Variants in SCLT1 observed in about 807,000 individuals in gnomAD.
SCLT1 encodes sodium channel and clathrin linker 1.
In SCLT1, 78 loss-of-function variants were observed where a neutral mutation model predicts 112.8. The observed-to-expected ratio is 0.69, with a 90% confidence interval of 0.58 to 0.83. The LOEUF is 0.83. Ranked by LOEUF, SCLT1 falls within the 40% of genes least tolerant of loss-of-function variation. The probability of loss-of-function intolerance (pLI) is 0.00; values close to 1 mark genes in which losing one functional copy is unlikely to be tolerated. For missense variants in SCLT1, 747 were observed against 770.4 expected, an observed-to-expected ratio of 0.97 and a Z score of 0.36; for synonymous variants, 257 against 254.7, an observed-to-expected ratio of 1.01 and a Z score of -0.09.
chr4:128,977,190 T>C (rs753525202), intron 9 of SCLT1, among the ~76,000 whole-genome samples: 23 of 152,350 alleles, frequency 1.5e-4, no homozygotes, highest in Admixed American at 2.0e-4. Context: ...ATGCATTCAT[T>C]CTTTGAACAA....
At position 129,009,243 on chromosome 4, in the gene SCLT1, C is replaced by T. The variant is rs374560016; in HGVS notation, c.291-5367G>A. Among the ~76,000 whole-genome samples, 21 of 152,170 alleles carry T rather than the reference C, an allele frequency of 1.4e-4. No individual in the cohort carries two copies. In the East Asian group the frequency reaches 1.5e-3, roughly 11 times the overall value. On this transcript the variant is annotated intron_variant, in intron 5 of 20. Transcript: ENST00000281142. ...AGTTCTTTGAGATCCAAGCCGGGCG[C>T]GGTGGCTCACGCCTATAATCCCAGC...
chr4:129,068,351 G>C (rs1750678927), intron 2 of SCLT1, among the ~76,000 whole-genome samples: 1 of 152,132 alleles, frequency 6.6e-6, no homozygotes, highest in African/African-American at 2.4e-5. Flanking sequence ...GTGTAGAAGT[G>C]TTCCCTGTTC....
At chr4:128,983,868 T>C (rs1180308743) in intron 9 of SCLT1, among the ~76,000 whole-genome samples, 2 of 152,224 alleles carry the variant, frequency 1.3e-5, no homozygotes, top group African/African-American at 4.8e-5. Flanking sequence ...TAGTTATTCT[T>C]GGCATGGCTA....
intron 5 of SCLT1, among the ~76,000 whole-genome samples, chr4:129,024,026 A>G (rs1170129855): frequency 6.6e-6 from 1 of 152,194 alleles, no homozygotes; most frequent in Non-Finnish European, 1.5e-5. Context: ...TAGGTAAACA[A>G]AGCAGCCGGG....
chr4:129,044,555 T>C (rs1162008909), intron 2 of SCLT1, among the ~76,000 whole-genome samples: 1 of 151,690 alleles, frequency 6.6e-6, no homozygotes, highest in African/African-American at 2.4e-5. Flanking sequence ...AAACAATATC[T>C]GGGAATAAAG....
intron 4 of SCLT1, among the ~76,000 whole-genome samples, chr4:129,040,540 T>C (rs1279323570): frequency 6.6e-6 from 1 of 152,198 alleles, no homozygotes; most frequent in African/African-American, 2.4e-5. Context: ...TAAATAATTA[T>C]GTAAGATATA....
chr4:128,947,412 T>C (rs981508065), intron 15 of SCLT1, among the ~76,000 whole-genome samples: 4 of 152,178 alleles, frequency 2.6e-5, no homozygotes, highest in African/African-American at 4.8e-5. Context: ...ATTTTTTTTT[T>C]CACAAATGGA....
chr4:128,908,828 G>A (rs1387657570), intron 18 of SCLT1, among the ~76,000 whole-genome samples: 1 of 152,138 alleles, frequency 6.6e-6, no homozygotes, highest in Non-Finnish European at 1.5e-5. Context: ...CTTTCTCAGA[G>A]GTGATCTCAG....
At chr4:129,034,537 C>T (rs1434441527) in intron 5 of SCLT1, among the ~76,000 whole-genome samples, 2 of 147,098 alleles carry the variant, frequency 1.4e-5, no homozygotes, top group African/African-American at 5.0e-5. Flanking sequence ...ACTTTATAAT[C>T]TTGTTGAAGT....
intron 6 of SCLT1, among the ~76,000 whole-genome samples, chr4:129,000,359 A>T (rs1743368814): frequency 6.6e-6 from 1 of 151,996 alleles, no homozygotes; most frequent in South Asian, 2.1e-4. Context: ...TAACAAAATT[A>T]GGGACAATAT....
intron 1 of SCLT1, among the ~76,000 whole-genome samples, chr4:129,083,186 G>GAAAAAA (rs10651058): frequency 2.4e-5 from 2 of 84,528 alleles, no homozygotes; most frequent in Admixed American, 1.5e-4. Context: ...GTGAGACTCT[G>GAAAAAA]AAAAAAAAAA....
At chr4:128,928,271 T>C (rs1033845401) in intron 18 of SCLT1, among the ~76,000 whole-genome samples, 1 of 152,042 alleles carries the variant, frequency 6.6e-6, no homozygotes, top group East Asian at 1.9e-4. Flanking sequence ...TCCAATTTGT[T>C]TTTGAGGCTA....
At chr4:128,960,918 C>T (rs1739654634) in intron 11 of SCLT1, among the ~76,000 whole-genome samples, 1 of 105,750 alleles carries the variant, frequency 9.5e-6, no homozygotes, top group Admixed American at 9.3e-5. Context: ...CAGAGCGAGA[C>T]TCCGTCTCAA....
intron 2 of SCLT1, among the ~76,000 whole-genome samples, chr4:129,065,028 T>G (rs1169414673): frequency 6.6e-6 from 1 of 152,232 alleles, no homozygotes; most frequent in East Asian, 1.9e-4. Context: ...CCTTTTATTT[T>G]TTTCTTTGCT....
At chr4:129,070,733 GTTTT>G (rs931609928) in intron 2 of SCLT1, among the ~76,000 whole-genome samples, 5 of 151,630 alleles carry the variant, frequency 3.3e-5, no homozygotes, top group African/African-American at 1.2e-4. Context: ...TATCTTTTGG[GTTTT>G]TTGTTTGTTT....
At position 128,923,611 on chromosome 4, in the gene SCLT1, A is replaced by G. The variant is rs918696732; in HGVS notation, c.1829+13044T>C. Reference sequence around the variant, plus strand: ...TTCTCTAGAATTTCACACATATGGGATCATACAGTATATAGTCTTCTATAT... The same window carrying G: ...TTCTCTAGAATTTCACACATATGGGGTCATACAGTATATAGTCTTCTATAT... On this transcript the variant is annotated intron_variant, in intron 18 of 20. Coordinates refer to ENST00000281142, the MANE Select transcript of SCLT1 (RefSeq NM_144643.4). 2.7e-5 allele frequency among the ~76,000 whole-genome samples: 4 copies of G among 148,552 alleles called. No homozygotes were observed. The Admixed American group carries it at 2.7e-4, about 10-fold the overall frequency.
At position 129,091,300 on chromosome 4, in the gene SCLT1, C is replaced by T. The variant is rs564121008; in HGVS notation, c.34+1770G>A. 1.3e-4 allele frequency among the ~76,000 whole-genome samples: 19 copies of T among 151,974 alleles called. No individual in the cohort carries two copies. In the South Asian group the frequency reaches 2.3e-3, roughly 18 times the overall value. Reference sequence around the variant, plus strand: ...GTTATTTTAAGCCTTTGAACCATTCCTTCTTCTGCTCCTTCTGCTTGAGAT... The same window carrying T: ...GTTATTTTAAGCCTTTGAACCATTCTTTCTTCTGCTCCTTCTGCTTGAGAT... On this transcript the variant is annotated intron_variant, in intron 1 of 20. Transcript: ENST00000281142.
rs114647781 is a variant in SCLT1 at position 128,968,698 on chromosome 4, C to A, written c.777+1680G>T. Among the ~76,000 whole-genome samples, 877 of 152,282 alleles carry A rather than the reference C, an allele frequency of 5.8e-3. 7 individuals are homozygous for A. Among genetic ancestry groups the A allele is most frequent in the Middle Eastern group, 0.034 (10 of 294 alleles). On this transcript the variant is annotated intron_variant, in intron 10 of 20. Transcript: ENST00000281142. ...AGTTACTCTGTTTCGTTCTTTTGAG[C>A]ATTAAATTTTTATTTTTATTTTTTT...
At chr4:129,080,694 C>T (rs965368539) in intron 2 of SCLT1, among the ~76,000 whole-genome samples, 2 of 152,240 alleles carry the variant, frequency 1.3e-5, no homozygotes, top group Admixed American at 1.3e-4. Flanking sequence ...ACTGTTCCAA[C>T]CTCTGCCCAT....
Sources: allele counts gnomAD v4.1 joint callset (sites outside exome capture counted in the v4.1 genomes callset), GRCh38; gene constraint gnomAD v4.1.1; transcripts MANE v1.5; gene names NCBI Gene and HGNC (gene_info 2026-07-23, HGNC 2026-07-21).